Variants in DENND5A observed in about 807,000 individuals in gnomAD.
DENND5A encodes the protein DENN domain containing 5A.
A neutral mutation model predicts 140.3 loss-of-function variants in DENND5A; 64 were observed. The ratio of observed to expected loss-of-function variants is 0.46; its 90% CI spans 0.37 to 0.56. The LOEUF (loss-of-function observed/expected upper bound fraction) is 0.56, where lower values mean the gene tolerates loss of function less well. Ranked by LOEUF, DENND5A falls within the 20% of genes least tolerant of loss-of-function variation. DENND5A has a pLI of 0.00. For synonymous variants in DENND5A, 605 were observed against 607.7 expected (o/e 1.00, Z 0.07); for missense variants, 1,292 against 1,593.8 (o/e 0.81, Z 3.22).
intron 4 of DENND5A, among the ~76,000 whole-genome samples, chr11:9,196,650 G>A (rs1258496296): frequency 2.6e-5 from 4 of 151,620 alleles, no homozygotes; most frequent in Admixed American, 6.6e-5. Flanking sequence ...TTGCTCTGTC[G>A]CCCAGGCTGG....
intron 8 of DENND5A, among the ~76,000 whole-genome samples, chr11:9,173,463 TAGA>T (rs1310141161): frequency 6.6e-6 from 1 of 152,170 alleles, no homozygotes; most frequent in African/African-American, 2.4e-5. Context: ...AAAAGTAAAA[TAGA>T]TGACAATAGC....
intron 1 of DENND5A, among the ~76,000 whole-genome samples, chr11:9,223,323 G>A (rs931319434): frequency 6.6e-6 from 1 of 151,982 alleles, no homozygotes; most frequent in Non-Finnish European, 1.5e-5. Context: ...AAGGCAGGCG[G>A]AGGTCAGGAG....
At chr11:9,188,414 C>T (rs537119635) in intron 5 of DENND5A, among the ~76,000 whole-genome samples, 5 of 152,278 alleles carry the variant, frequency 3.3e-5, no homozygotes, top group South Asian at 2.1e-4. Flanking sequence ...TAGAGTGGGG[C>T]GCTGCTTAAA....
intron 1 of DENND5A, 59 bp from the exon 2 acceptor site, chr11:9,207,691 T>G (rs1382583568): frequency 8.3e-7 from 1 of 1,197,774 alleles, no homozygotes; most frequent in Non-Finnish European, 1.2e-6. Context: ...CAAACTTTTT[T>G]GACCATTATT....
In DENND5A at chr11:9,165,972, A is replaced by G. The variant is rs1192871014; in HGVS notation, c.2152-5T>C. 1 of 1,614,104 alleles carries G rather than the reference A, an allele frequency of 6.2e-7. No individual in the cohort carries two copies. On this transcript the variant is annotated splice_region_variant and splice_polypyrimidine_tract_variant and intron_variant, in intron 10 of 22. Transcript: ENST00000328194. The stretch of plus-strand genomic sequence containing the variant: ...CCTGGCTTCCTGGATGTACTTCTAT[A>G]TCAAACAGAAAAATAAAGACCCTTT...
chr11:9,204,381 C>G, intron 3 of DENND5A, 64 bp from the exon 4 acceptor site: 1 of 1,480,816 alleles, frequency 6.8e-7, no homozygotes. Context: ...TTCAGAACAC[C>G]ATCACTATTT....
chr11:9,231,101 AG>A (rs1365722175), intron 1 of DENND5A, among the ~76,000 whole-genome samples: 1 of 152,244 alleles, frequency 6.6e-6, no homozygotes, highest in Admixed American at 6.5e-5. Context: ...TGAGCATAAG[AG>A]GTACTCAACA....
At chr11:9,262,455 G>C (rs1037499332) in intron 1 of DENND5A, among the ~76,000 whole-genome samples, 5 of 152,070 alleles carry the variant, frequency 3.3e-5, no homozygotes, top group African/African-American at 9.7e-5. Context: ...CAACATGTTA[G>C]TGTTTTCTAA....
At chr11:9,211,302 GCTGATCCCT>G (rs1849869271) in intron 1 of DENND5A, among the ~76,000 whole-genome samples, 1 of 152,134 alleles carries the variant, frequency 6.6e-6, no homozygotes, top group Non-Finnish European at 1.5e-5. Flanking sequence ...TACAAACCTG[GCTGATCCCT>G]GAAACACGCA....
intron 22 of DENND5A, chr11:9,140,214 G>A (rs1847191587): frequency 1.5e-6 from 2 of 1,326,350 alleles, no homozygotes; most frequent in African/African-American, 1.5e-5. Context: ...GCATGTGCTG[G>A]CACTGACATA....
rs565699105 is a variant in DENND5A at position 9,178,668 on chromosome 11, CT to C, written c.1671+189del. 3.3e-4 allele frequency among the ~76,000 whole-genome samples: 51 copies of C among 152,300 alleles called. 1 individual carries two copies. The East Asian group carries it at 8.9e-3, about 26-fold the overall frequency. On this transcript the variant is annotated intron_variant, in intron 7 of 22. Transcript: ENST00000328194. ...ATCCCTTTGGCTGAAGGTAAATCGT[CT>C]GATAATAATAATCAGCACATCTATT...
In DENND5A at chr11:9,243,258, A is replaced by G. The variant is rs904329534; in HGVS notation, c.109+21703T>C. Among the ~76,000 whole-genome samples, 3 of 152,274 alleles carry G rather than the reference A, an allele frequency of 2.0e-5. No homozygotes were observed. In the East Asian group the frequency reaches 5.8e-4, roughly 29 times the overall value. ...GATGGGCAGACTGACAATCCTCCAC[A>G]AAACACTAAACATTCTTCTAGTAGA... On this transcript the variant is annotated intron_variant, in intron 1 of 22. Transcript: ENST00000328194.
intron 1 of DENND5A, among the ~76,000 whole-genome samples, chr11:9,236,421 A>G (rs1006556983): frequency 1.3e-5 from 2 of 151,598 alleles, no homozygotes; most frequent in Non-Finnish European, 2.9e-5. Context: ...AATCCCAGCT[A>G]CTCAGGAAGC....
At chr11:9,209,758 T>A (rs1020314751) in intron 1 of DENND5A, among the ~76,000 whole-genome samples, 7 of 151,976 alleles carry the variant, frequency 4.6e-5, no homozygotes, top group African/African-American at 1.7e-4. Context: ...AAACCTAAGA[T>A]TTTTTTTAGT....
In DENND5A at chr11:9,150,157, A is replaced by G. The variant is rs749276734; in HGVS notation, c.2659T>C (p.Trp887Arg). 6.2e-7 allele frequency: 1 copy of G among 1,614,006 alleles called. No homozygotes were observed. ...IKTDVGKARAWVRLSMEKKLL... is the reference protein window; with the variant it reads ...IKTDVGKARARVRLSMEKKLL... ...TTTTTTTCCATGGACAGTCGCACCC[A>G]TGCTCTGGCCTTTCCCACATCAGTC... Residue 887 changes from tryptophan to arginine, a missense_variant, in exon 15 of 23, where the codon TGG becomes CGG. Transcript: ENST00000328194.
chr11:9,148,332 G>A (rs1264718327), intron 15 of DENND5A, among the ~76,000 whole-genome samples: 1 of 150,528 alleles, frequency 6.6e-6, no homozygotes, highest in Non-Finnish European at 1.5e-5. Flanking sequence ...CTGTACCAAA[G>A]GTGTCAAATG....
At chr11:9,172,465 A>G (rs1269484422) in intron 8 of DENND5A, among the ~76,000 whole-genome samples, 1 of 152,086 alleles carries the variant, frequency 6.6e-6, no homozygotes, top group African/African-American at 2.4e-5. Flanking sequence ...CCAAATCTCA[A>G]CTTGAACTGT....
rs1012066561 is a variant in DENND5A at position 9,246,694 on chromosome 11, G to A, written c.109+18267C>T. ...AAGGTTCTAAGGTTTGTTCCTGAAG[G>A]GCTTAAAGAAAGTCACTCCCCCTAA... On this transcript the variant is annotated intron_variant, in intron 1 of 22. Coordinates refer to ENST00000328194, the MANE Select transcript of DENND5A (RefSeq NM_015213.4). 2.0e-5 allele frequency among the ~76,000 whole-genome samples: 3 copies of A among 151,382 alleles called. No homozygotes were observed. The East Asian group carries it at 5.8e-4, about 29-fold the overall frequency.
chr11:9,218,783 A>C (rs1352468713), intron 1 of DENND5A, among the ~76,000 whole-genome samples: 1 of 152,168 alleles, frequency 6.6e-6, no homozygotes, highest in African/African-American at 2.4e-5. Context: ...AGACAGGTGG[A>C]TCACCTGAGG....
Sources: allele counts gnomAD v4.1 joint callset (sites outside exome capture counted in the v4.1 genomes callset), GRCh38; gene constraint gnomAD v4.1.1; transcripts MANE v1.5; gene names NCBI Gene and HGNC (gene_info 2026-07-23, HGNC 2026-07-21).